BLCAP: variants seen among roughly 807,000 people sequenced by gnomAD.
BLCAP encodes the protein BLCAP apoptosis inducing factor, also known as apoptosis inducing factor BLCAP.
BLCAP carries 1 observed loss-of-function variant against 5.7 expected under a neutral mutation model. The ratio of observed to expected loss-of-function variants is 0.18; its 90% confidence interval spans 0.06 to 0.83. The LOEUF (loss-of-function observed/expected upper bound fraction) is 0.83. BLCAP is among the 40% of genes least tolerant of loss of function. BLCAP has a pLI of 0.71. For synonymous variants in BLCAP, 48 were observed against 49.4 expected, an observed-to-expected ratio of 0.97 and a Z score of 0.11; for missense variants, 66 against 107.6, an observed-to-expected ratio of 0.61 and a Z score of 1.71.
At position 37,521,140 on chromosome 20, in the gene BLCAP, G is replaced by A; in HGVS notation, c.-176-1790C>T. 1.5e-6 allele frequency: 1 copy of A among 654,900 alleles called. No individual in the cohort carries two copies. The allele number at this position is 654,900 out of a possible 1,614,324, so 40.6% of individuals were successfully genotyped here. A position where few individuals can be genotyped will look rare whatever the true frequency, so the allele number is the denominator to read the frequency against. On this transcript the variant is annotated intron_variant, in intron 1 of 1. Transcript: ENST00000373537. This position sits in a 1 kb window ranked among gnomAD's most constrained non-coding sequence, Gnocchi z 4.5. ...AGATGGATTATTTTTTTCCTCTCCT[G>A]GCGAATGAGGAGCGCCCCCAGCCAC...
chr20:37,518,496 TGAG>T lies in BLCAP; in HGVS notation c.*412_*414del. ...AATAAAGGGAAACCAGAAGAGGGAC[TGAG>T]GAGTCAGTAACATTCTGGGAAGGAA... On this transcript the variant is annotated 3_prime_UTR_variant, in exon 2 of 2. Transcript: ENST00000373537. The T allele has an allele frequency of 5.8e-6, 1 of 172,866 alleles. No homozygotes were observed. The highest frequency in any genetic ancestry group is 1.3e-5 in the Non-Finnish European group (1 of 79,972). 10.7% of individuals were successfully genotyped at this position (172,866 alleles called of 1,614,324 possible). A position where few individuals can be genotyped will look rare whatever the true frequency, so the allele number is the denominator to read the frequency against.
At chr20:37,523,042 G>A in intron 1 of BLCAP, 1 of 394,428 alleles carries the variant, frequency 2.5e-6, no homozygotes, top group Non-Finnish European at 4.5e-6. Context: ...TCTGGGCATA[G>A]GCACCGCATT....
In BLCAP at chr20:37,521,586, C is replaced by T. The variant is rs1045294004; in HGVS notation, c.-176-2236G>A. ...CCCATTCCCTGCGCCGTCCTCCTCG[C>T]GCTGACCCTCCCTAGTGCGCCCGCG... On this transcript the variant is annotated intron_variant, in intron 1 of 1. Transcript: ENST00000373537. The surrounding 1 kb of genome is among the most constrained non-coding windows in gnomAD (Gnocchi z 4.5). 106 of 634,024 alleles carry T rather than the reference C, an allele frequency of 1.7e-4. No homozygotes were observed. Among genetic ancestry groups the T allele is most frequent in the Non-Finnish European group, 2.7e-4 (97 of 362,200 alleles). 39.3% of individuals were successfully genotyped at this position (634,024 alleles called of 1,614,324 possible). A position where few individuals can be genotyped will look rare whatever the true frequency, so the allele number is the denominator to read the frequency against.
intron 1 of BLCAP, among the ~76,000 whole-genome samples, chr20:37,525,165 TGTG>T (rs926597736): frequency 6.6e-6 from 1 of 152,202 alleles, no homozygotes; most frequent in African/African-American, 2.4e-5. Flanking sequence ...TGGGAGTTTC[TGTG>T]GTTTTCCACA....
Position 37,521,555 on chromosome 20 carries a change from C to T in BLCAP, c.-176-2205G>A. ...AAGTGCCGCTGCCGGCACCGCGCGC[C>T]CCCTGCCCATTCCCTGCGCCGTCCT... On this transcript the variant is annotated intron_variant, in intron 1 of 1. Transcript: ENST00000373537. This position sits in a 1 kb window ranked among gnomAD's most constrained non-coding sequence, Gnocchi z 4.5. 1 of 757,748 alleles carries T rather than the reference C, an allele frequency of 1.3e-6. No homozygotes were observed. Among genetic ancestry groups the T allele is most frequent in the Non-Finnish European group, 2.2e-6 (1 of 451,808 alleles). 46.9% of individuals were successfully genotyped at this position (757,748 alleles called of 1,614,324 possible). A position where few individuals can be genotyped will look rare whatever the true frequency, so the allele number is the denominator to read the frequency against.
At chr20:37,526,271 T>TCCCCCCCC (rs11477433) in intron 1 of BLCAP, among the ~76,000 whole-genome samples, 87 of 125,258 alleles carry the variant, frequency 6.9e-4, no homozygotes, top group Non-Finnish European at 8.3e-4. Flanking sequence ...GCAGTTAACT[T>TCCCCCCCC]CCCCCCCCCA....
rs779636706 is a variant in BLCAP, at chr20:37,521,391, C to T, written c.-176-2041G>A. On this transcript the variant is annotated intron_variant, in intron 1 of 1. Transcript: ENST00000373537. This position sits in a 1 kb window ranked among gnomAD's most constrained non-coding sequence, Gnocchi z 4.5. ...TCATCATCGGCTGGTACATCTTCCG[C>T]GTGCTGCTGCAGGTAAGTCTGACGG... is the stretch of plus-strand genomic sequence containing the variant. 124 of 1,613,994 alleles carry T rather than the reference C, an allele frequency of 7.7e-5. 1 individual carries two copies. In the South Asian group the frequency reaches 1.3e-3, roughly 17 times the overall value.
chr20:37,518,873 C>T lies in BLCAP; in HGVS notation c.*38G>A, dbSNP rs766032005. On this transcript the variant is annotated 3_prime_UTR_variant, in exon 2 of 2. Coordinates refer to ENST00000373537, the MANE Select transcript of BLCAP (RefSeq NM_006698.4). The stretch of plus-strand genomic sequence containing the variant: ...TGACCTATGTCAATGCCTCCCCTCC[C>T]GTCTTCTGCTTCCTTGGAAAGCTAA... 6.9e-6 allele frequency: 11 copies of T among 1,604,414 alleles called. No homozygotes were observed. Among genetic ancestry groups the T allele is most frequent in the Non-Finnish European group, 3.4e-6 (4 of 1,175,666 alleles).
chr20:37,522,650 TG>T lies in BLCAP; in HGVS notation c.-176-3301del, dbSNP rs762404381. 7.5e-6 allele frequency: 12 copies of T among 1,604,952 alleles called. No individual in the cohort carries two copies. The African/African-American group carries it at 1.6e-4, about 21-fold the overall frequency. On this transcript the variant is annotated intron_variant, in intron 1 of 1. Transcript: ENST00000373537. ...GGTGCTCTCCACTAAGGGTGGGTCC[TG>T]GGTTTCTCGTCGCAGGTGTTCAGGT...
At chr20:37,520,334 T>G (rs1038109504) in intron 1 of BLCAP, 3 of 152,230 alleles carry the variant, frequency 2.0e-5, no homozygotes, top group African/African-American at 7.2e-5. Context: ...GAAACGGGGC[T>G]GCGGTAGCCA....
At chr20:37,524,769 A>G (rs922745011) in intron 1 of BLCAP, among the ~76,000 whole-genome samples, 36 of 152,180 alleles carry the variant, frequency 2.4e-4, no homozygotes, top group African/African-American at 8.0e-4. Flanking sequence ...CTCTAAAGGC[A>G]TCTAAAACTT....
At position 37,517,463 on chromosome 20, in the gene BLCAP, A is replaced by G. The variant is rs2071422799; in HGVS notation, c.*1448T>C. 1.3e-5 allele frequency: 2 copies of G among 152,640 alleles called. No individual in the cohort carries two copies. The highest frequency in any genetic ancestry group is 4.8e-5 in the African/African-American group (2 of 41,444). The allele number at this position is 152,640 out of a possible 1,614,324, so 9.5% of individuals were successfully genotyped here. On this transcript the variant is annotated 3_prime_UTR_variant, in exon 2 of 2. Transcript: ENST00000373537. The stretch of plus-strand genomic sequence containing the variant: ...AAACATTTCAAACAGCTGTGCAACG[A>G]ACACACCAAATAAAAGCTCTAGAAT...
intron 1 of BLCAP, chr20:37,522,598 G>GGGGGGGGGGGGGGGGGGGGTGGCC: frequency 1.2e-6 from 1 of 864,476 alleles, no homozygotes; most frequent in Non-Finnish European, 1.7e-6. Context: ...GCGGGGGTGG[G>GGGGGGGGGGGGGGGGGGGGTGGCC]CACGGCAGCA....
rs1034364208 is a variant in BLCAP, at chr20:37,521,182, C to A, written c.-176-1832G>T. 1.3e-6 allele frequency: 1 copy of A among 760,460 alleles called. No homozygotes were observed. The highest frequency in any genetic ancestry group is 1.7e-5 in the African/African-American group (1 of 58,150). The allele number at this position is 760,460 out of a possible 1,614,324, so 47.1% of individuals were successfully genotyped here. On this transcript the variant is annotated intron_variant, in intron 1 of 1. Transcript: ENST00000373537. The surrounding 1 kb of genome is among the most constrained non-coding windows in gnomAD (Gnocchi z 4.5). The stretch of plus-strand genomic sequence containing the variant: ...CCCAGCCACCCCTCCTCATAAACAC[C>A]CCCCAAGGCGCGCATGCGCACTTAG...
At chr20:37,522,332 CA>C in intron 1 of BLCAP, 1 of 1,604,440 alleles carries the variant, frequency 6.2e-7, no homozygotes, top group Non-Finnish European at 8.5e-7. Flanking sequence ...AATCCTTTGC[CA>C]AAGGAATCGC....
chr20:37,520,365 C>A (rs990137596), intron 1 of BLCAP: 1 of 152,272 alleles, frequency 6.6e-6, no homozygotes, highest in Non-Finnish European at 1.5e-5. Context: ...GTAGCGGTAG[C>A]GTAACCCCGT....
intron 1 of BLCAP, among the ~76,000 whole-genome samples, chr20:37,525,074 T>C (rs1367283634): frequency 6.6e-6 from 1 of 152,244 alleles, no homozygotes; most frequent in East Asian, 1.9e-4. Context: ...GCAGGTCTCC[T>C]CTCGCCCCAG....
At chr20:37,523,970 T>C (rs1007054693) in intron 1 of BLCAP, among the ~76,000 whole-genome samples, 4 of 152,110 alleles carry the variant, frequency 2.6e-5, no homozygotes, top group Non-Finnish European at 5.9e-5. Context: ...GTGCTTTACT[T>C]GTGGTCTTAG....
rs569807882 is a variant in BLCAP, at chr20:37,526,127, G to A, written c.-177+1666C>T. ...TGTCTGCTGTCAGGGAAGGGCAGGG[G>A]CAAGTTCCTTGAGCTTGGGCAACGG... On this transcript the variant is annotated intron_variant, in intron 1 of 1. Coordinates refer to ENST00000373537, the MANE Select transcript of BLCAP (RefSeq NM_006698.4). Among the ~76,000 whole-genome samples the A allele has an allele frequency of 9.9e-5, 15 of 152,238 alleles. No homozygotes were observed. In the East Asian group the frequency reaches 2.7e-3, roughly 27 times the overall value.
Sources: allele counts gnomAD v4.1 joint callset (sites outside exome capture counted in the v4.1 genomes callset), GRCh38; gene constraint gnomAD v4.1.1; non-coding constraint Gnocchi (gnomAD v3.1); transcripts MANE v1.5; gene names NCBI Gene and HGNC (gene_info 2026-07-23, HGNC 2026-07-21).